The following RORA variants were observed in gnomAD, a reference collection of about 807,000 sequenced individuals.
The protein encoded by RORA is RAR related orphan receptor A, also known as nuclear receptor ROR-alpha.
Under a neutral mutation model 69.5 loss-of-function variants are expected in RORA, and 7 were observed. The ratio of observed to expected loss-of-function variants is 0.10; its 90% CI spans 0.06 to 0.19. RORA has a LOEUF of 0.19. Ranked by LOEUF, RORA falls within the 10% of genes least tolerant of loss-of-function variation. The probability of loss-of-function intolerance (pLI) is 1.00; values close to 1 mark genes in which losing one functional copy is unlikely to be tolerated. For missense variants in RORA, 457 were observed against 663.0 expected, an observed-to-expected ratio of 0.69 and a Z score of 3.41; for synonymous variants, 261 against 240.8, an observed-to-expected ratio of 1.08 and a Z score of -0.78.
intron 1 of RORA, among the ~76,000 whole-genome samples, chr15:61,049,836 T>C (rs996693107): frequency 1.3e-5 from 2 of 152,122 alleles, no homozygotes; most frequent in Non-Finnish European, 2.9e-5. Context: ...ATTTTTCATA[T>C]TTTTAGTAGA....
Position 60,683,647 on chromosome 15 carries a change from T to TACACACACACACACACACACACAC in RORA, c.167-4985_167-4962dup, listed in dbSNP as rs59854874. ...TCCTTCTATTTTACCCAGATACACA[T>TACACACACACACACACACACACAC]ACACACACACACACACACACACACA... is the stretch of plus-strand genomic sequence containing the variant. On this transcript the variant is annotated intron_variant, in intron 1 of 10. Coordinates refer to ENST00000335670, the MANE Select transcript of RORA (RefSeq NM_134261.3). Among the ~76,000 whole-genome samples the TACACACACACACACACACACACAC allele has an allele frequency of 3.4e-4, 50 of 148,732 alleles. 1 individual carries two copies. The South Asian group carries it at 4.8e-3, about 14-fold the overall frequency.
At chr15:60,891,068 G>A (rs546283977) in intron 1 of RORA, among the ~76,000 whole-genome samples, 3 of 152,292 alleles carry the variant, frequency 2.0e-5, no homozygotes, top group East Asian at 3.9e-4. Flanking sequence ...GAGATGTCTC[G>A]GGAAGATCAA....
At chr15:60,886,778 A>G (rs968790949) in intron 1 of RORA, among the ~76,000 whole-genome samples, 55 of 152,234 alleles carry the variant, frequency 3.6e-4, no homozygotes, top group African/African-American at 1.3e-3. Context: ...AGGTTTTGCA[A>G]TGGGGATATT....
chr15:60,602,610 C>A (rs1469683923), intron 2 of RORA, among the ~76,000 whole-genome samples: 2 of 152,138 alleles, frequency 1.3e-5, no homozygotes, highest in Admixed American at 1.3e-4. Context: ...TGCAGTATAA[C>A]ATAAATTACT....
intron 2 of RORA, among the ~76,000 whole-genome samples, chr15:60,654,851 G>A (rs930282919): frequency 2.6e-5 from 4 of 152,166 alleles, no homozygotes; most frequent in Non-Finnish European, 5.9e-5. Flanking sequence ...ACTGGAAGTC[G>A]GGAAGCAGAT....
chr15:60,972,347 A>G (rs551924691), intron 1 of RORA, among the ~76,000 whole-genome samples: 1 of 152,368 alleles, frequency 6.6e-6, no homozygotes, highest in Non-Finnish European at 1.5e-5. Context: ...GCTATGATAT[A>G]AAAATACGCA....
At chr15:61,141,340 T>C (rs1247172797) in intron 1 of RORA, among the ~76,000 whole-genome samples, 1 of 152,134 alleles carries the variant, frequency 6.6e-6, no homozygotes, top group East Asian at 1.9e-4. Context: ...TCAGAACAAT[T>C]TGTGACTGGA....
At chr15:60,969,719 T>G (rs28416110) in intron 1 of RORA, among the ~76,000 whole-genome samples, 3,489 of 152,138 alleles carry the variant, frequency 0.023, 128 homozygotes, top group African/African-American at 0.079. Context: ...TGGTACTGCC[T>G]CACAGTTAGG....
chr15:60,865,486 C>A (rs972458405), intron 1 of RORA, among the ~76,000 whole-genome samples: 8 of 152,198 alleles, frequency 5.3e-5, no homozygotes, highest in African/African-American at 1.9e-4. Flanking sequence ...TCACTTTAAG[C>A]ATTGGTAATG....
At chr15:60,513,246 T>A (rs2065761497) in intron 4 of RORA, among the ~76,000 whole-genome samples, 1 of 152,252 alleles carries the variant, frequency 6.6e-6, no homozygotes, top group Non-Finnish European at 1.5e-5. Context: ...ATGTGGGATC[T>A]GAATTTCAGA....
At chr15:60,516,223 T>TTA (rs1220587622) in intron 3 of RORA, among the ~76,000 whole-genome samples, 973 of 11,744 alleles carry the variant, frequency 0.083, 113 homozygotes, top group East Asian at 0.54. Context: ...ATATATATAT[T>TTA]TATATATATA....
intron 1 of RORA, among the ~76,000 whole-genome samples, chr15:61,034,425 C>T (rs1160279487): frequency 6.6e-6 from 1 of 152,114 alleles, no homozygotes; most frequent in Non-Finnish European, 1.5e-5. Flanking sequence ...TGTTGCCTTT[C>T]TAATTGTTTA....
chr15:60,529,518 T>C (rs1567063536), intron 3 of RORA: 1 of 152,202 alleles, frequency 6.6e-6, no homozygotes, highest in Non-Finnish European at 1.5e-5. Flanking sequence ...GTTTTATTTA[T>C]TTTGTGGTTT....
At chr15:60,781,507 G>C (rs2072255106) in intron 1 of RORA, among the ~76,000 whole-genome samples, 1 of 152,118 alleles carries the variant, frequency 6.6e-6, no homozygotes, top group African/African-American at 2.4e-5. Flanking sequence ...AGAGTTAAGC[G>C]CAGCTGATCT....
chr15:61,202,155 G>A (rs113955400), intron 1 of RORA, among the ~76,000 whole-genome samples: 5,664 of 151,908 alleles, frequency 0.037, 110 homozygotes, highest in Middle Eastern at 0.088. Context: ...TTACAGGTGC[G>A]CACCACCATG....
intron 1 of RORA, among the ~76,000 whole-genome samples, chr15:60,819,763 A>ACACACACACACACG (rs1555455754): frequency 7.1e-6 from 1 of 140,806 alleles, no homozygotes; most frequent in Admixed American, 7.5e-5. Flanking sequence ...ACACACACAC[A>ACACACACACACACG]CACACACACA....
rs192861577 is a variant in RORA, at chr15:60,719,042, G to A, written c.167-40356C>T. 5.5e-5 allele frequency among the ~76,000 whole-genome samples: 5 copies of A among 91,490 alleles called. No homozygotes were observed. The East Asian group carries it at 1.5e-3, about 27-fold the overall frequency. 60.0% of individuals were successfully genotyped at this position (91,490 alleles called of 152,430 possible). On this transcript the variant is annotated intron_variant, in intron 1 of 10. Transcript: ENST00000335670. ...TCAGCTTTGTGTGTGTGTGTGGGGG[G>A]GGTGTGTGTGTGTGTGGCATTTCTA...
intron 1 of RORA, among the ~76,000 whole-genome samples, chr15:61,099,929 T>C (rs2078852640): frequency 6.6e-6 from 1 of 152,160 alleles, no homozygotes; most frequent in Non-Finnish European, 1.5e-5. Context: ...AGTTCTAAAA[T>C]AGTAAACTTG....
intron 1 of RORA, among the ~76,000 whole-genome samples, chr15:60,713,227 C>T (rs904640787): frequency 1.3e-5 from 2 of 152,174 alleles, no homozygotes; most frequent in Non-Finnish European, 1.5e-5. Flanking sequence ...AGTAGGGTGT[C>T]CGGCTAACCT....
Sources: gnomAD v4.1 joint callset for allele counts (sites outside exome capture counted in the v4.1 genomes callset) on GRCh38, gnomAD v4.1.1 for gene constraint, MANE v1.5 for transcripts, NCBI Gene and HGNC (gene_info 2026-07-23, HGNC 2026-07-21) for gene names.